The following CTNND2 variants were observed in gnomAD, a reference collection of about 807,000 sequenced individuals.
CTNND2 encodes the protein catenin delta 2, also known as catenin delta-2.
In CTNND2, 22 loss-of-function variants were observed where a neutral mutation model predicts 144.4. The ratio of observed to expected loss-of-function variants is 0.15; its 90% CI spans 0.11 to 0.22. The LOEUF (loss-of-function observed/expected upper bound fraction) is 0.22, where lower values mean the gene tolerates loss of function less well. CTNND2 is among the 10% of genes least tolerant of loss of function. The pLI is 1.00. For missense variants in CTNND2, 1,353 were observed against 1,618.8 expected (o/e 0.84, Z 2.82); for synonymous variants, 751 against 695.6 (o/e 1.08, Z -1.25).
At chr5:11,275,067 T>C in intron 9 of CTNND2, among the ~76,000 whole-genome samples, 1 of 152,060 alleles carries the variant, frequency 6.6e-6, no homozygotes, top group East Asian at 1.9e-4. Flanking sequence ...TAGATAAACT[T>C]ATGCAGGTTA....
chr5:11,902,732 C>T (rs1485717717), intron 1 of CTNND2, among the ~76,000 whole-genome samples: 1 of 152,120 alleles, frequency 6.6e-6, no homozygotes, highest in African/African-American at 2.4e-5. Context: ...CTTAATAACA[C>T]CTGCCAGAGC....
intron 18 of CTNND2, among the ~76,000 whole-genome samples, chr5:11,000,238 T>C (rs937050825): frequency 1.3e-5 from 2 of 152,202 alleles, no homozygotes; most frequent in African/African-American, 2.4e-5. Context: ...CTAGAAATTG[T>C]GTGGCTGAGC....
chr5:11,760,048 G>C (rs1487853924), intron 1 of CTNND2, among the ~76,000 whole-genome samples: 1 of 27,406 alleles, frequency 3.6e-5, no homozygotes, highest in Non-Finnish European at 8.7e-5. Context: ...AGTACTGGAT[G>C]CAAAAAAAAA....
chr5:11,381,601 T>A (rs1161478067), intron 7 of CTNND2, among the ~76,000 whole-genome samples: 1 of 152,188 alleles, frequency 6.6e-6, no homozygotes, highest in Non-Finnish European at 1.5e-5. Context: ...CTCACCTATG[T>A]CAGGACAGAT....
intron 12 of CTNND2, among the ~76,000 whole-genome samples, chr5:11,128,930 AAT>A (rs374243917): frequency 1.3e-4 from 4 of 31,240 alleles, no homozygotes; most frequent in Non-Finnish European, 3.2e-4. Flanking sequence ...ATAATACATA[AAT>A]ATATATATTA....
At position 10,973,110 on chromosome 5, in the gene CTNND2, C is replaced by T. The variant is rs1208903129; in HGVS notation, c.*343G>A. The T allele has an allele frequency of 1.5e-5, 3 of 193,584 alleles. No homozygotes were observed. 12.0% of individuals were successfully genotyped at this position (193,584 alleles called of 1,614,324 possible). A position where few individuals can be genotyped will look rare whatever the true frequency, so the allele number is the denominator to read the frequency against. ...TGTGTAAACTATTCTGTGTCTTGTGCTTAACGATAACCCTTACGCCCCACC... is the reference window on the plus strand; with the variant it reads ...TGTGTAAACTATTCTGTGTCTTGTGTTTAACGATAACCCTTACGCCCCACC... On this transcript the variant is annotated 3_prime_UTR_variant, in exon 22 of 22. Transcript: ENST00000304623. The surrounding 1 kb of genome is among the most constrained non-coding windows in gnomAD (Gnocchi z 5.6).
chr5:11,479,972 G>A (rs1363596914), intron 3 of CTNND2, among the ~76,000 whole-genome samples: 1 of 152,118 alleles, frequency 6.6e-6, no homozygotes, highest in Non-Finnish European at 1.5e-5. Flanking sequence ...TCTTTACTCT[G>A]CTGATAGTTT....
At chr5:11,570,465 T>C (rs1777473866) in intron 2 of CTNND2, among the ~76,000 whole-genome samples, 1 of 152,168 alleles carries the variant, frequency 6.6e-6, no homozygotes, top group Admixed American at 6.5e-5. Flanking sequence ...TCTTTATATG[T>C]TTTTATTCTA....
chr5:11,458,095 C>T (rs533480387), intron 3 of CTNND2, among the ~76,000 whole-genome samples: 42 of 152,312 alleles, frequency 2.8e-4, no homozygotes, highest in African/African-American at 8.7e-4. Context: ...AAAACAGTCT[C>T]TAGCATTTAG....
chr5:11,389,489 GGT>G (rs35535538), intron 6 of CTNND2, among the ~76,000 whole-genome samples: 1 of 151,382 alleles, frequency 6.6e-6, no homozygotes, highest in African/African-American at 2.4e-5. Flanking sequence ...TACATTACAT[GGT>G]GTGTGTGTGT....
At chr5:11,759,921 A>G (rs1240623214) in intron 1 of CTNND2, among the ~76,000 whole-genome samples, 2 of 152,010 alleles carry the variant, frequency 1.3e-5, no homozygotes, top group African/African-American at 4.8e-5. Context: ...CAGTCACTAC[A>G]CTGTGCTGTT....
intron 9 of CTNND2, among the ~76,000 whole-genome samples, chr5:11,247,776 AG>A (rs1344655592): frequency 3.3e-5 from 5 of 152,220 alleles, no homozygotes; most frequent in African/African-American, 9.6e-5. Flanking sequence ...TAGGTCCTTT[AG>A]AAGACATAAA....
intron 10 of CTNND2, among the ~76,000 whole-genome samples, chr5:11,219,473 T>C (rs551111094): frequency 3.9e-5 from 6 of 152,368 alleles, no homozygotes; most frequent in South Asian, 2.1e-4. Flanking sequence ...AGTACTTCTA[T>C]GATAGGCTGA....
Position 11,701,761 on chromosome 5 carries a change from T to C in CTNND2, c.174+30375A>G, listed in dbSNP as rs148388048. On this transcript the variant is annotated intron_variant, in intron 2 of 21. Coordinates refer to ENST00000304623, the MANE Select transcript of CTNND2 (RefSeq NM_001332.4). ...TCTGTTACAAGTCTTATAAAATATA[T>C]GAAGTATTTATTTGTATAATTTTTA... 5.8e-4 allele frequency among the ~76,000 whole-genome samples: 89 copies of C among 152,302 alleles called. No homozygotes were observed. In the East Asian group the frequency reaches 0.012, roughly 20 times the overall value.
chr5:11,024,164 T>C (rs372902529), intron 16 of CTNND2, among the ~76,000 whole-genome samples: 1 of 152,258 alleles, frequency 6.6e-6, no homozygotes, highest in South Asian at 2.1e-4. Flanking sequence ...TAGGCGATGA[T>C]ATCTTAATTC....
At chr5:11,601,199 G>A (rs1779774864) in intron 2 of CTNND2, among the ~76,000 whole-genome samples, 1 of 152,124 alleles carries the variant, frequency 6.6e-6, no homozygotes, top group Non-Finnish European at 1.5e-5. Flanking sequence ...ACATAATGTT[G>A]AGCAGCAAAA....
intron 3 of CTNND2, among the ~76,000 whole-genome samples, chr5:11,455,940 T>C (rs1391013857): frequency 6.6e-6 from 1 of 152,206 alleles, no homozygotes; most frequent in Non-Finnish European, 1.5e-5. Flanking sequence ...CCAATGGTGA[T>C]GGGAATGCAT....
At chr5:11,383,421 A>G (rs965151640) in intron 7 of CTNND2, among the ~76,000 whole-genome samples, 2 of 152,208 alleles carry the variant, frequency 1.3e-5, no homozygotes, top group Non-Finnish European at 2.9e-5. Context: ...TCCCTACAGC[A>G]TGAAGATTTA....
At chr5:11,087,859 A>G (rs1750343479) in intron 15 of CTNND2, among the ~76,000 whole-genome samples, 1 of 152,216 alleles carries the variant, frequency 6.6e-6, no homozygotes, top group Non-Finnish European at 1.5e-5. Context: ...ATATTAATGT[A>G]CAGGCAAGAT....
Sources: allele counts gnomAD v4.1 joint callset (sites outside exome capture counted in the v4.1 genomes callset), GRCh38; gene constraint gnomAD v4.1.1; non-coding constraint Gnocchi (gnomAD v3.1); transcripts MANE v1.5; gene names NCBI Gene and HGNC (gene_info 2026-07-23, HGNC 2026-07-21).